The following ZNF385C variants were observed in gnomAD, a reference collection of about 807,000 sequenced individuals.
The protein encoded by ZNF385C is CTD-2132N18.2.
ZNF385C carries 28 observed loss-of-function variants against 35.4 expected under a neutral mutation model. The observed-to-expected ratio is 0.79, with a 90% CI of 0.59 to 1.08. ZNF385C has a LOEUF of 1.08. Ranked by LOEUF, ZNF385C falls within the 50% of genes least tolerant of loss-of-function variation. ZNF385C has a pLI of 0.00. For missense variants in ZNF385C, 605 were observed against 595.6 expected (o/e 1.02, Z -0.16); for synonymous variants, 248 against 248.2 (o/e 1.00, Z 0.01).
At chr17:42,096,975 TAAAA>T (rs58377119) in intron 1 of ZNF385C, among the ~76,000 whole-genome samples, 2 of 89,194 alleles carry the variant, frequency 2.2e-5, no homozygotes, top group Non-Finnish European at 4.7e-5. Flanking sequence ...CAAGCTTAGC[TAAAA>T]AAAAAAAAAA....
chr17:42,075,354 T>G (rs2053672687), intron 1 of ZNF385C, among the ~76,000 whole-genome samples: 1 of 152,170 alleles, frequency 6.6e-6, no homozygotes, highest in African/African-American at 2.4e-5. Flanking sequence ...CCCAGGGTAG[T>G]TCTGGGCCTT....
chr17:42,064,068 GCACATACACACACACACACACA>G (rs1555658262), intron 1 of ZNF385C, among the ~76,000 whole-genome samples: 1 of 59,488 alleles, frequency 1.7e-5, no homozygotes, highest in Non-Finnish European at 4.1e-5. Flanking sequence ...GCGCGCACAC[GCACATACACACACACACACACA>G]CACACACACA....
intron 1 of ZNF385C, among the ~76,000 whole-genome samples, chr17:42,086,701 CAAAA>C (rs1184011274): frequency 2.9e-3 from 195 of 66,854 alleles, no homozygotes; most frequent in African/African-American, 9.5e-3. Context: ...GATTCCATCT[CAAAA>C]AAAAAAAAAA....
intron 1 of ZNF385C, among the ~76,000 whole-genome samples, chr17:42,092,489 CAG>C (rs2053872975): frequency 6.6e-6 from 1 of 152,082 alleles, no homozygotes; most frequent in Non-Finnish European, 1.5e-5. Flanking sequence ...TGTACAAAAT[CAG>C]GGGATAGGAG....
chr17:42,073,920 C>T (rs527922236), intron 1 of ZNF385C, among the ~76,000 whole-genome samples: 120 of 152,140 alleles, frequency 7.9e-4, no homozygotes, highest in Middle Eastern at 3.4e-3. Context: ...ATGCCTCACC[C>T]ACGGTGCCAC....
At position 42,037,806 on chromosome 17, in the gene ZNF385C, G is replaced by A. The variant is rs1345865204; in HGVS notation, c.330C>T (p.Asp110=). The A allele has an allele frequency of 1.3e-5, 20 of 1,526,088 alleles. No homozygotes were observed. Among genetic ancestry groups the A allele is most frequent in the East Asian group, 2.5e-5 (1 of 40,798 alleles). The allele number at this position is 1,526,088 out of a possible 1,614,324, so 94.5% of individuals were successfully genotyped here. Residue 110 remains aspartate (D), a synonymous_variant, in exon 3 of 9, where the codon GAC becomes GAT. Transcript: ENST00000692273. ...LPTRPLQPPL[D]FKHLLAFHFN... ...AGTGGAAGGCGAGCAAGTGCTTGAA[G>A]TCCAGCGGGGGCTGCAGAGGCCGGG...
chr17:42,087,043 G>A (rs948327122), intron 1 of ZNF385C, among the ~76,000 whole-genome samples: 1 of 151,934 alleles, frequency 6.6e-6, no homozygotes, highest in Non-Finnish European at 1.5e-5. Flanking sequence ...GGCTGGTCTT[G>A]AACTCCCGAC....
In ZNF385C at chr17:42,062,915, A is replaced by C; in HGVS notation, c.142T>G (p.Cys48Gly). The C allele has an allele frequency of 1.4e-6, 1 of 691,754 alleles. No homozygotes were observed. The highest frequency in any genetic ancestry group is 2.8e-5 in the East Asian group (1 of 36,350). The allele number at this position is 691,754 out of a possible 1,614,324, so 42.9% of individuals were successfully genotyped here. A position where few individuals can be genotyped will look rare whatever the true frequency, so the allele number is the denominator to read the frequency against. ...GCCGCCGAGTTCAGCTGGATGTTGC[A>C]GACATCACAGAGCGTGTACGATGGC... Reference protein sequence around the residue: ...KRPSYTLCDVCNIQLNSAAQA... With the variant: ...KRPSYTLCDVGNIQLNSAAQA... Residue 48 changes from cysteine (C) to glycine (G), a missense_variant, in exon 2 of 9, where the codon TGC becomes GGC. Cys to Gly is a radical substitution (Grantham distance 159). Transcript: ENST00000692273.
intron 1 of ZNF385C, among the ~76,000 whole-genome samples, chr17:42,072,276 G>A (rs2053636052): frequency 6.6e-6 from 1 of 152,082 alleles, no homozygotes; most frequent in South Asian, 2.1e-4. Context: ...GTGGGTGGGA[G>A]TAGAGGGGGA....
rs1375409183 is a variant in ZNF385C at position 42,050,140 on chromosome 17, C to T, written c.251-12255G>A. 6.6e-6 allele frequency among the ~76,000 whole-genome samples: 1 copy of T among 151,412 alleles called. No homozygotes were observed. The highest frequency in any genetic ancestry group is 2.4e-5 in the African/African-American group (1 of 41,428). On this transcript the variant is annotated intron_variant, in intron 2 of 8. Coordinates refer to ENST00000692273, the MANE Select transcript of ZNF385C (RefSeq NM_001392013.1). The surrounding 1 kb of genome is among the most constrained non-coding windows in gnomAD (Gnocchi z 5.6). ...CAGACACAGGTCTCCTCTCATTTCT[C>T]TCCACACCCTGACCAGCCGGATGGG...
At chr17:42,063,613 C>T (rs187202850) in intron 1 of ZNF385C, among the ~76,000 whole-genome samples, 5 of 152,182 alleles carry the variant, frequency 3.3e-5, no homozygotes, top group East Asian at 1.9e-4. Context: ...TGTCTACACA[C>T]GGGGAGGCCA....
intron 1 of ZNF385C, among the ~76,000 whole-genome samples, chr17:42,077,508 C>T (rs1307316866): frequency 1.3e-5 from 2 of 152,166 alleles, no homozygotes; most frequent in African/African-American, 2.4e-5. Context: ...AGGCTGTGCC[C>T]TTTTTCTTGC....
chr17:42,035,930 T>C (rs2052846767), intron 3 of ZNF385C, among the ~76,000 whole-genome samples: 1 of 152,122 alleles, frequency 6.6e-6, no homozygotes, highest in South Asian at 2.1e-4. Context: ...GAGCAGCAAG[T>C]GGAGGCCTAA....
intron 2 of ZNF385C, among the ~76,000 whole-genome samples, chr17:42,051,805 T>C (rs1383587528): frequency 6.6e-6 from 1 of 152,158 alleles, no homozygotes; most frequent in Non-Finnish European, 1.5e-5. Context: ...TGCTGGGAAC[T>C]CCTCTGCCCC....
At chr17:42,092,359 C>A (rs35377154) in intron 1 of ZNF385C, among the ~76,000 whole-genome samples, 15,597 of 151,890 alleles carry the variant, frequency 0.1, 1,641 homozygotes, top group African/African-American at 0.26. Context: ...TGAGACTGCA[C>A]CACTGCACTC....
intron 1 of ZNF385C, among the ~76,000 whole-genome samples, chr17:42,064,073 T>TACACACACACACACACACAC (rs55771386): frequency 3.1e-4 from 40 of 129,834 alleles, no homozygotes; most frequent in East Asian, 9.6e-4. Context: ...CACACGCACA[T>TACACACACACACACACACAC]ACACACACAC....
chr17:42,032,866 C>G (rs1555655121), intron 4 of ZNF385C, among the ~76,000 whole-genome samples: 1 of 152,040 alleles, frequency 6.6e-6, no homozygotes, highest in African/African-American at 2.4e-5. Context: ...GCACCTGTCA[C>G]CACAACTGGC....
chr17:42,045,359 A>G (rs1301616047), intron 2 of ZNF385C, among the ~76,000 whole-genome samples: 3 of 152,208 alleles, frequency 2.0e-5, no homozygotes, highest in African/African-American at 4.8e-5. Context: ...CCTTAACTCT[A>G]CCTTTTAATT....
chr17:42,055,366 G>A (rs6503684), intron 2 of ZNF385C, among the ~76,000 whole-genome samples: 1 of 151,612 alleles, frequency 6.6e-6, no homozygotes, highest in Non-Finnish European at 1.5e-5. Flanking sequence ...CCCTAATTCT[G>A]TACCCAGACA....
Sources: allele counts gnomAD v4.1 joint callset (sites outside exome capture counted in the v4.1 genomes callset), GRCh38; gene constraint gnomAD v4.1.1; non-coding constraint Gnocchi (gnomAD v3.1); transcripts MANE v1.5; gene names NCBI Gene and HGNC (gene_info 2026-07-23, HGNC 2026-07-21).